CFHR4: variants seen among roughly 807,000 people sequenced by gnomAD.
The protein encoded by CFHR4 is complement factor H-related protein 4.
A neutral mutation model predicts 69.3 loss-of-function variants in CFHR4; 64 were observed. The ratio of observed to expected loss-of-function variants is 0.92; its 90% CI spans 0.76 to 1.14. The LOEUF is 1.14. Among genes scored for constraint, CFHR4 ranks in the 50% most tolerant of loss-of-function variants. The pLI is 0.00. For synonymous variants in CFHR4, 244 were observed against 237.0 expected, an observed-to-expected ratio of 1.03 and a Z score of -0.27; for missense variants, 636 against 684.9, an observed-to-expected ratio of 0.93 and a Z score of 0.80.
At chr1:196,916,895 G>C (rs1658668075) in intron 9 of CFHR4, among the ~76,000 whole-genome samples, 1 of 151,494 alleles carries the variant, frequency 6.6e-6, no homozygotes, top group South Asian at 2.1e-4. Flanking sequence ...GAATTCTAGG[G>C]AAAAAGGCAA....
Position 196,918,576 on chromosome 1 carries a change from C to T in CFHR4, c.*170C>T. On this transcript the variant is annotated 3_prime_UTR_variant, in exon 10 of 10. Transcript: ENST00000608469. ...ATATGTTCTCAAAAATATGTTAAAACAAACTAAATTATTGCTTATGCTTGT... is the reference window on the plus strand; with the variant it reads ...ATATGTTCTCAAAAATATGTTAAAATAAACTAAATTATTGCTTATGCTTGT... The T allele has an allele frequency of 3.0e-6, 2 of 674,020 alleles. No individual in the cohort carries two copies. Among genetic ancestry groups the T allele is most frequent in the South Asian group, 1.9e-5 (1 of 53,530 alleles). The allele number at this position is 674,020 out of a possible 1,614,324, so 41.8% of individuals were successfully genotyped here.
chr1:196,918,183 GTTAA>G (rs1271085359), intron 9 of CFHR4, 23 bp from the exon 10 acceptor site: 6 of 1,592,466 alleles, frequency 3.8e-6, no homozygotes, highest in Middle Eastern at 1.7e-4. Context: ...GATTATGATT[GTTAA>G]TTGTTTCTTT....
Position 196,895,337 on chromosome 1 carries a change from C to A in CFHR4, c.59-7081C>A, listed in dbSNP as rs79581148. On this transcript the variant is annotated intron_variant, in intron 1 of 9. Coordinates refer to ENST00000608469, the MANE Select transcript of CFHR4 (RefSeq NM_001201550.3). ...AGTTCATTAAGTTTATTGAGGGTCT[C>A]TATTAATGCCATTATTTCTTCAAAC... Among the ~76,000 whole-genome samples the A allele has an allele frequency of 5.9e-3, 889 of 151,590 alleles. 48 individuals carry two copies. The highest frequency in any genetic ancestry group is 0.021 in the African/African-American group (858 of 41,130).
intron 1 of CFHR4, among the ~76,000 whole-genome samples, chr1:196,889,015 C>G (rs1656881867): frequency 6.6e-6 from 1 of 151,326 alleles, no homozygotes; most frequent in African/African-American, 2.4e-5. Context: ...AGTGGAACCA[C>G]ATGGGTCAAA....
chr1:196,904,634 G>A lies in CFHR4; in HGVS notation c.257-474G>A, dbSNP rs577115803. The stretch of plus-strand genomic sequence containing the variant: ...AAACACCATGGCTATATGGGTTTAA[G>A]CATCCACTTAAGATGACAACTATTT... On this transcript the variant is annotated intron_variant, in intron 2 of 9. Transcript: ENST00000608469. Among the ~76,000 whole-genome samples, 191 of 151,502 alleles carry A rather than the reference G, an allele frequency of 1.3e-3. 5 individuals carry two copies. Among genetic ancestry groups the A allele is most frequent in the African/African-American group, 4.5e-3 (187 of 41,168 alleles).
chr1:196,916,206 A>T (rs556732605), intron 9 of CFHR4, among the ~76,000 whole-genome samples: 1 of 151,520 alleles, frequency 6.6e-6, no homozygotes, highest in Non-Finnish European at 1.5e-5. Context: ...AATTCAAAAA[A>T]ATATAAGCCA....
intron 1 of CFHR4, among the ~76,000 whole-genome samples, chr1:196,900,317 A>T (rs78974262): frequency 1.5e-5 from 2 of 134,028 alleles, no homozygotes; most frequent in Non-Finnish European, 3.1e-5. Flanking sequence ...CATAGGTGGA[A>T]TTTTTTTTTT....
At chr1:196,916,706 A>T (rs769942106) in intron 9 of CFHR4, among the ~76,000 whole-genome samples, 6 of 151,600 alleles carry the variant, frequency 4.0e-5, no homozygotes, top group Non-Finnish European at 8.8e-5. Flanking sequence ...CTGAGTCTCA[A>T]ATTTGATTGA....
chr1:196,899,529 A>G (rs1657486094), intron 1 of CFHR4, among the ~76,000 whole-genome samples: 1 of 151,510 alleles, frequency 6.6e-6, no homozygotes, highest in Non-Finnish European at 1.5e-5. Context: ...ACTGGGCCTC[A>G]AGCAGTCCTC....
chr1:196,890,298 T>C (rs1326533777), intron 1 of CFHR4, among the ~76,000 whole-genome samples: 1 of 151,572 alleles, frequency 6.6e-6, no homozygotes, highest in Non-Finnish European at 1.5e-5. Context: ...ATATTTTTCA[T>C]ATGATTAATG....
intron 1 of CFHR4, among the ~76,000 whole-genome samples, chr1:196,897,867 TG>T (rs1657397889): frequency 6.6e-6 from 1 of 151,470 alleles, no homozygotes; most frequent in Admixed American, 6.6e-5. Context: ...GTGGGGCCTT[TG>T]ACAGGGAATC....
chr1:196,904,392 T>C (rs187118580), intron 2 of CFHR4, among the ~76,000 whole-genome samples: 2 of 151,458 alleles, frequency 1.3e-5, no homozygotes, highest in East Asian at 3.9e-4. Flanking sequence ...CCATTTACAT[T>C]TTTTTCTAAT....
intron 1 of CFHR4, among the ~76,000 whole-genome samples, chr1:196,892,276 A>C (rs1364101491): frequency 2.6e-5 from 4 of 151,700 alleles, no homozygotes; most frequent in Middle Eastern, 3.4e-3. Context: ...AAGGATCACT[A>C]ATTTATACAC....
Position 196,902,615 on chromosome 1 carries a change from A to G in CFHR4, c.256A>G (p.Arg86Gly), listed in dbSNP as rs200598129. ...DGWSPTVPCL[R>G]TCSKSDVEIE... Reference sequence around the variant, plus strand: ...TTGGTCACCAACGGTCCCATGCCTCAGTAAGTAAACCTCTTTACAAGAATA... The same window carrying G: ...TTGGTCACCAACGGTCCCATGCCTCGGTAAGTAAACCTCTTTACAAGAATA... Residue 86 changes from arginine to glycine, a missense_variant and splice_region_variant, in exon 2 of 10, where the codon AGA becomes GGA. Physicochemically the swap from Arg to Gly is moderately radical, Grantham distance 125. Around this residue, in one of 3 missense-constraint regions of CFHR4, gnomAD observed 529 missense variants for 533.2 expected, o/e 0.99. Coordinates refer to ENST00000608469, the MANE Select transcript of CFHR4 (RefSeq NM_001201550.3). 18 of 1,602,406 alleles carry G rather than the reference A, an allele frequency of 1.1e-5. No individual in the cohort carries two copies. In the East Asian group the frequency reaches 4.0e-4, roughly 36 times the overall value.
In CFHR4 at chr1:196,918,628, A is replaced by G. The variant is rs1658795055; in HGVS notation, c.*222A>G. The G allele has an allele frequency of 2.2e-6, 1 of 461,966 alleles. No individual in the cohort carries two copies. The allele number at this position is 461,966 out of a possible 1,614,324, so 28.6% of individuals were successfully genotyped here. A position where few individuals can be genotyped will look rare whatever the true frequency, so the allele number is the denominator to read the frequency against. On this transcript the variant is annotated 3_prime_UTR_variant, in exon 10 of 10. Coordinates refer to ENST00000608469, the MANE Select transcript of CFHR4 (RefSeq NM_001201550.3). ...CTAAAATAATAAAAACTACCCTTAT[A>G]TTGGACTTCCTATCAATGAATTAGT... is the stretch of plus-strand genomic sequence containing the variant.
rs1444645817 is a variant in CFHR4, at chr1:196,917,842, A to G, written c.1541-368A>G. On this transcript the variant is annotated intron_variant, in intron 9 of 9. Transcript: ENST00000608469. The stretch of plus-strand genomic sequence containing the variant: ...GGAGTGCTTGTAGTCACGGCTTGTC[A>G]AATGGGGGAAAGGAGGATAAGTAAC... Among the ~76,000 whole-genome samples, 198 of 145,566 alleles carry G rather than the reference A, an allele frequency of 1.4e-3. 7 individuals carry two copies. Among genetic ancestry groups the G allele is most frequent in the African/African-American group, 4.3e-3 (167 of 38,538 alleles).
At chr1:196,903,739 A>G (rs1657751051) in intron 2 of CFHR4, among the ~76,000 whole-genome samples, 2 of 151,362 alleles carry the variant, frequency 1.3e-5, no homozygotes, top group African/African-American at 4.9e-5. Context: ...TACACTAAAT[A>G]CACATTAAAG....
intron 1 of CFHR4, among the ~76,000 whole-genome samples, chr1:196,899,688 A>G (rs1657492825): frequency 6.6e-6 from 1 of 151,648 alleles, no homozygotes; most frequent in East Asian, 1.9e-4. Flanking sequence ...TAATTATTCT[A>G]TAGTTGGCTT....
At chr1:196,906,431 G>A (rs886571378) in intron 3 of CFHR4, among the ~76,000 whole-genome samples, 10 of 151,484 alleles carry the variant, frequency 6.6e-5, no homozygotes, top group African/African-American at 1.7e-4. Context: ...TTTATAGAAC[G>A]TATATCCAAT....
Sources: gnomAD v4.1 joint callset for allele counts (sites outside exome capture counted in the v4.1 genomes callset) on GRCh38, gnomAD v4.1.1 for gene constraint, gnomAD v4.1.1 regional missense constraint, MANE v1.5 for transcripts, NCBI Gene and HGNC (gene_info 2026-07-23, HGNC 2026-07-21) for gene names.